PROX1: variants seen among roughly 807,000 people sequenced by gnomAD.
PROX1 encodes the protein prospero homeobox protein 1.
Under a neutral mutation model 58.8 loss-of-function variants are expected in PROX1, and 7 were observed. The ratio of observed to expected loss-of-function variants is 0.12; its 90% CI spans 0.07 to 0.22. The LOEUF is 0.22. Ranked by LOEUF, PROX1 falls within the 10% of genes least tolerant of loss-of-function variation. The probability of loss-of-function intolerance (pLI) is 1.00; values close to 1 mark genes in which losing one functional copy is unlikely to be tolerated. For missense variants in PROX1, 675 were observed against 927.8 expected, an observed-to-expected ratio of 0.73 and a Z score of 3.54; for synonymous variants, 350 against 358.3, an observed-to-expected ratio of 0.98 and a Z score of 0.26.
intron 4 of PROX1, among the ~76,000 whole-genome samples, chr1:214,035,215 A>C (rs1345462342): frequency 1.3e-5 from 2 of 152,224 alleles, no homozygotes; most frequent in African/African-American, 4.8e-5. Context: ...TTTATAAAGA[A>C]GCCCAACTAT....
At chr1:214,020,413 C>A (rs1467547888) in intron 4 of PROX1, among the ~76,000 whole-genome samples, 1 of 152,186 alleles carries the variant, frequency 6.6e-6, no homozygotes, top group Non-Finnish European at 1.5e-5. Flanking sequence ...AAAACCACTG[C>A]CCCCTCCTTC....
intron 4 of PROX1, among the ~76,000 whole-genome samples, chr1:214,018,112 A>G (rs894084597): frequency 1.3e-5 from 2 of 152,168 alleles, no homozygotes; most frequent in Admixed American, 1.3e-4. Flanking sequence ...AAACAAATTC[A>G]TTTAGCAAAC....
intron 4 of PROX1, among the ~76,000 whole-genome samples, chr1:214,035,360 T>C (rs1266402815): frequency 1.2e-4 from 18 of 152,338 alleles, no homozygotes; most frequent in Admixed American, 9.1e-4. Context: ...ATCCCAAAAG[T>C]CACATCCCAT....
intron 3 of PROX1, among the ~76,000 whole-genome samples, chr1:214,010,936 C>A (rs1238035768): frequency 6.6e-6 from 1 of 152,086 alleles, no homozygotes; most frequent in Non-Finnish European, 1.5e-5. Context: ...ATGCCGTGGG[C>A]AAACATTAAG....
At chr1:214,023,116 T>C (rs1408654568) in intron 4 of PROX1, among the ~76,000 whole-genome samples, 1 of 152,178 alleles carries the variant, frequency 6.6e-6, no homozygotes. Flanking sequence ...TCATACACAA[T>C]TTATTGACTG....
rs188198265 is a variant in PROX1, at chr1:214,027,194, T to A, written c.2029-8455T>A. 2.6e-5 allele frequency among the ~76,000 whole-genome samples: 4 copies of A among 152,174 alleles called. No homozygotes were observed. The East Asian group carries it at 7.8e-4, about 30-fold the overall frequency. On this transcript the variant is annotated intron_variant, in intron 4 of 4. Transcript: ENST00000366958. ...CATCACTTCTGCTCCTTCTCTAGCC[T>A]TTCCCTGGGTTTGCTTCCCCCAACC...
intron 2 of PROX1, among the ~76,000 whole-genome samples, chr1:214,001,248 A>G (rs1296309184): frequency 6.6e-6 from 1 of 152,194 alleles, no homozygotes; most frequent in Non-Finnish European, 1.5e-5. Flanking sequence ...CCCATCTAGT[A>G]GAAGGGAAAT....
chr1:213,994,771 ATATATATAT>A (rs1663185713), intron 1 of PROX1, among the ~76,000 whole-genome samples: 2 of 33,830 alleles, frequency 5.9e-5, no homozygotes, highest in South Asian at 8.6e-4. Context: ...ATATATATAT[ATATATATAT>A]ATATATATAT....
At chr1:214,018,741 C>T (rs1377556770) in intron 4 of PROX1, among the ~76,000 whole-genome samples, 2 of 152,194 alleles carry the variant, frequency 1.3e-5, no homozygotes, top group Non-Finnish European at 2.9e-5. Context: ...CTCTGTGTCT[C>T]TTATAGCAGT....
chr1:213,998,399 C>T, intron 2 of PROX1, 139 bp downstream of exon 2: 1 of 1,063,458 alleles, frequency 9.4e-7, no homozygotes, highest in Non-Finnish European at 1.3e-6. Context: ...AAGGAATAGG[C>T]TTTTATCAGC....
Position 214,037,579 on chromosome 1 carries a change from G to T in PROX1, c.*1745G>T, listed in dbSNP as rs1664869072. ...AAAACCTGCTGACTTTAAATTAAAT[G>T]GTGCAGTCCTATGATGCCCTGCACC... On this transcript the variant is annotated 3_prime_UTR_variant, in exon 5 of 5. Coordinates refer to ENST00000366958, the MANE Select transcript of PROX1 (RefSeq NM_001270616.2). The T allele has an allele frequency of 6.6e-6, 1 of 152,066 alleles. No homozygotes were observed. The highest frequency in any genetic ancestry group is 6.6e-5 in the Admixed American group (1 of 15,256). The allele number at this position is 152,066 out of a possible 1,614,324, so 9.4% of individuals were successfully genotyped here.
chr1:214,024,862 C>T (rs961246502), intron 4 of PROX1, among the ~76,000 whole-genome samples: 21 of 152,154 alleles, frequency 1.4e-4, no homozygotes, highest in African/African-American at 5.1e-4. Flanking sequence ...AAGCTTGGCC[C>T]TGCTTCTTTT....
At position 214,040,066 on chromosome 1, in the gene PROX1, A is replaced by G. The variant is rs184458341; in HGVS notation, c.*4232A>G. 1.3e-5 allele frequency: 2 copies of G among 152,368 alleles called. No homozygotes were observed. Among genetic ancestry groups the G allele is most frequent in the Non-Finnish European group, 2.9e-5 (2 of 68,032 alleles). 9.4% of individuals were successfully genotyped at this position (152,368 alleles called of 1,614,324 possible). A position where few individuals can be genotyped will look rare whatever the true frequency, so the allele number is the denominator to read the frequency against. On this transcript the variant is annotated 3_prime_UTR_variant, in exon 5 of 5. Transcript: ENST00000366958. ...CAAACTCTGTGTTTGCAAATTTACA[A>G]GAAGCATTGTTTTCAAAAAGCTCCC...
At chr1:214,011,782 A>C (rs1663916773) in intron 4 of PROX1, 67 bp downstream of exon 4, 1 of 1,332,950 alleles carries the variant, frequency 7.5e-7, no homozygotes, top group Non-Finnish European at 1.0e-6. Context: ...TTTTCTTTAG[A>C]AATGTACCCA....
At chr1:214,010,748 A>G (rs1219302599) in intron 3 of PROX1, among the ~76,000 whole-genome samples, 1 of 152,180 alleles carries the variant, frequency 6.6e-6, no homozygotes, top group Non-Finnish European at 1.5e-5. Flanking sequence ...TGTTATAGTA[A>G]CTTGGCATTT....
At chr1:214,010,522 C>T (rs1663871648) in intron 3 of PROX1, among the ~76,000 whole-genome samples, 1 of 152,046 alleles carries the variant, frequency 6.6e-6, no homozygotes, top group South Asian at 2.1e-4. Context: ...GAAGGGGATG[C>T]CTGTGATGAC....
At chr1:214,006,593 C>T (rs1294144970) in intron 3 of PROX1, among the ~76,000 whole-genome samples, 3 of 152,074 alleles carry the variant, frequency 2.0e-5, no homozygotes, top group African/African-American at 7.2e-5. Context: ...AGGGTTTGGG[C>T]TTTGTAGAGG....
chr1:214,028,961 C>A (rs1000563126), intron 4 of PROX1: 6 of 152,216 alleles, frequency 3.9e-5, no homozygotes, highest in Non-Finnish European at 7.3e-5. Context: ...CGTATCTGTT[C>A]TTGGCTTTTC....
At position 213,997,021 on chromosome 1, in the gene PROX1, G is replaced by A. The variant is rs1435696085; in HGVS notation, c.486G>A (p.Leu162=). Residue 162 remains leucine, a synonymous_variant, in exon 2 of 5, where the codon CTG becomes CTA. Coordinates refer to ENST00000366958, the MANE Select transcript of PROX1 (RefSeq NM_001270616.2). This position sits in a 1 kb window ranked among gnomAD's most constrained non-coding sequence, Gnocchi z 7.1. ...TGGATCGCTTATGTGATGAGCACCTGAGAGCAAAGCGCGCCCGGGTTGAGA... is the reference window on the plus strand; with the variant it reads ...TGGATCGCTTATGTGATGAGCACCTAAGAGCAAAGCGCGCCCGGGTTGAGA... ...FDMDRLCDEH[L]RAKRARVENI... 1.2e-6 allele frequency: 2 copies of A among 1,614,116 alleles called. No homozygotes were observed. The highest frequency in any genetic ancestry group is 2.2e-5 in the East Asian group (1 of 44,868).
Sources: gnomAD v4.1 joint callset for allele counts (sites outside exome capture counted in the v4.1 genomes callset) on GRCh38, gnomAD v4.1.1 for gene constraint, Gnocchi (gnomAD v3.1) non-coding constraint, MANE v1.5 for transcripts, NCBI Gene and HGNC (gene_info 2026-07-23, HGNC 2026-07-21) for gene names.